The following FNBP1 variants were observed in gnomAD, a reference collection of about 807,000 sequenced individuals.
FNBP1 encodes the protein formin-binding protein 1.
In FNBP1, 26 loss-of-function variants were observed where a neutral mutation model predicts 90.6. The observed-to-expected ratio is 0.29, with a 90% CI of 0.21 to 0.40. The LOEUF (loss-of-function observed/expected upper bound fraction) is 0.40. Among genes scored for constraint, FNBP1 ranks in the 10% least tolerant of loss-of-function variants. The pLI, the probability that FNBP1 is intolerant of heterozygous loss-of-function variation, is 1.00. For synonymous variants in FNBP1, 260 were observed against 265.2 expected, an observed-to-expected ratio of 0.98 and a Z score of 0.19; for missense variants, 635 against 768.0, an observed-to-expected ratio of 0.83 and a Z score of 2.05.
intron 2 of FNBP1, among the ~76,000 whole-genome samples, chr9:129,991,064 G>C (rs1285993918): frequency 1.3e-5 from 2 of 151,084 alleles, no homozygotes; most frequent in African/African-American, 4.9e-5. Flanking sequence ...CTCCTGAGTA[G>C]GTAGGATTAC....
chr9:130,049,337 C>T, the FNBP1 span, among the ~76,000 whole-genome samples: 2 of 152,156 alleles, frequency 1.3e-5, no homozygotes, highest in African/African-American at 4.8e-5. Context: ...TGCAGTGAGC[C>T]TTGATCATGC....
intron 1 of FNBP1, among the ~76,000 whole-genome samples, chr9:130,034,178 G>C (rs548740202): frequency 1.3e-5 from 2 of 148,204 alleles, no homozygotes; most frequent in Non-Finnish European, 3.0e-5. Flanking sequence ...AAAATTAGCC[G>C]GGCAAACGCC....
chr9:129,920,878 G>C (rs539177086), intron 10 of FNBP1, among the ~76,000 whole-genome samples: 1 of 152,184 alleles, frequency 6.6e-6, no homozygotes. Flanking sequence ...CAGTTCATAT[G>C]AAACTTTCAG....
chr9:129,995,474 T>C (rs2053844796), intron 1 of FNBP1, among the ~76,000 whole-genome samples: 1 of 152,214 alleles, frequency 6.6e-6, no homozygotes, highest in Non-Finnish European at 1.5e-5. Context: ...CCAGGAACAG[T>C]GCCTGGAGCT....
intron 7 of FNBP1, 29 bp downstream of exon 7, chr9:129,929,538 A>G (rs1246895587): frequency 2.5e-6 from 4 of 1,609,620 alleles, no homozygotes; most frequent in Non-Finnish European, 3.4e-6. Context: ...AGCATAAAAC[A>G]TGAAATCTGA....
chr9:129,920,745 T>G (rs530819043), intron 10 of FNBP1, among the ~76,000 whole-genome samples: 1 of 152,188 alleles, frequency 6.6e-6, no homozygotes, highest in African/African-American at 2.4e-5. Flanking sequence ...AAAACTGGAA[T>G]AGACACATAA....
At chr9:130,053,717 C>CGGGA in the FNBP1 span, 1 of 579,072 alleles carries the variant, frequency 1.7e-6, no homozygotes, top group Non-Finnish European at 3.1e-6. Flanking sequence ...GGCTTCATCT[C>CGGGA]TAACTGAAAG....
In FNBP1 at chr9:129,978,531, G is replaced by A; in HGVS notation, c.279C>T (p.Asn93=). The A allele has an allele frequency of 1.9e-6, 3 of 1,613,622 alleles. No individual in the cohort carries two copies. The highest frequency in any genetic ancestry group is 2.2e-5 in the South Asian group (2 of 91,072). Residue 93 remains asparagine, a synonymous_variant, in exon 4 of 17, where the codon AAC becomes AAT. Coordinates refer to ENST00000446176, the MANE Select transcript of FNBP1 (RefSeq NM_015033.3). The part of the protein sequence containing the change: ...YAGQHEVISE[N]MASQIIVDLA... ...AGTCCACAATGATCTGTGATGCCATGTTCTCGGAGATAACTTCATGCTGCC... is the reference window on the plus strand; with the variant it reads ...AGTCCACAATGATCTGTGATGCCATATTCTCGGAGATAACTTCATGCTGCC...
chr9:130,009,383 T>C (rs1173890904), intron 1 of FNBP1, among the ~76,000 whole-genome samples: 5 of 152,162 alleles, frequency 3.3e-5, no homozygotes, highest in Admixed American at 2.0e-4. Flanking sequence ...TAAGAGGGGC[T>C]GGACGCAGTG....
chr9:130,025,661 C>A (rs1258347257), intron 1 of FNBP1, among the ~76,000 whole-genome samples: 1 of 152,222 alleles, frequency 6.6e-6, no homozygotes, highest in Non-Finnish European at 1.5e-5. Flanking sequence ...CAGTGGCTCA[C>A]GCCTATAATC....
intron 11 of FNBP1, among the ~76,000 whole-genome samples, chr9:129,915,734 C>T (rs62583608): frequency 0.059 from 8,977 of 152,164 alleles, 390 homozygotes; most frequent in Middle Eastern, 0.14. Flanking sequence ...AACACCAAGT[C>T]GTGAGTTAAA....
rs2034898045 is a variant in FNBP1 at position 129,888,975 on chromosome 9, C to T, written c.*1564G>A. 3.1e-5 allele frequency: 7 copies of T among 229,386 alleles called. No individual in the cohort carries two copies. In the Admixed American group the frequency reaches 4.0e-4, roughly 13 times the overall value. 14.2% of individuals were successfully genotyped at this position (229,386 alleles called of 1,614,324 possible). On this transcript the variant is annotated 3_prime_UTR_variant, in exon 17 of 17. Coordinates refer to ENST00000446176, the MANE Select transcript of FNBP1 (RefSeq NM_015033.3). ...AAGAATAAAGCTGCCCGACGTCATC[C>T]CCAGGCTTCCGTGGCGCTCTCGGTC...
At chr9:129,988,015 G>T (rs2052559635) in intron 2 of FNBP1, among the ~76,000 whole-genome samples, 3 of 151,884 alleles carry the variant, frequency 2.0e-5, no homozygotes, top group Non-Finnish European at 2.9e-5. Flanking sequence ...ACCATAAATG[G>T]CTCAAATGTA....
intron 1 of FNBP1, among the ~76,000 whole-genome samples, chr9:130,028,483 T>C (rs1158968674): frequency 6.6e-6 from 1 of 152,144 alleles, no homozygotes; most frequent in Non-Finnish European, 1.5e-5. Flanking sequence ...TACCAAAAAT[T>C]GAATGCCCAT....
intron 1 of FNBP1, among the ~76,000 whole-genome samples, chr9:130,036,354 CAATGT>C (rs1390438454): frequency 6.6e-6 from 1 of 152,014 alleles, no homozygotes; most frequent in Non-Finnish European, 1.5e-5. Flanking sequence ...CATGTCTCAC[CAATGT>C]AAAGCATGAG....
chr9:129,939,789 C>A (rs563145533), intron 6 of FNBP1, among the ~76,000 whole-genome samples: 1 of 152,126 alleles, frequency 6.6e-6, no homozygotes, highest in East Asian at 1.9e-4. Flanking sequence ...GTCAAAGTTA[C>A]GCTCATACAA....
At chr9:129,892,324 C>G (rs1285564580) in intron 16 of FNBP1, among the ~76,000 whole-genome samples, 3 of 150,402 alleles carry the variant, frequency 2.0e-5, no homozygotes, top group East Asian at 4.0e-4. Context: ...GGAAGTTACT[C>G]TAGTCTAAAT....
intron 6 of FNBP1, among the ~76,000 whole-genome samples, chr9:129,954,626 CA>C (rs1478671020): frequency 6.6e-6 from 1 of 151,892 alleles, no homozygotes; most frequent in Non-Finnish European, 1.5e-5. Context: ...TAATGATATT[CA>C]ATAATAAGTC....
chr9:129,888,631 G>A lies in FNBP1; in HGVS notation c.*1908C>T. ...GTCCCCCCCGGGGAAGAAGCAGTCAGAGAGGCTCACGCTCACCTACTTTAA... is the reference window on the plus strand; with the variant it reads ...GTCCCCCCCGGGGAAGAAGCAGTCAAAGAGGCTCACGCTCACCTACTTTAA... On this transcript the variant is annotated 3_prime_UTR_variant, in exon 17 of 17. Transcript: ENST00000446176. 1 of 233,102 alleles carries A rather than the reference G, an allele frequency of 4.3e-6. No homozygotes were observed. The highest frequency in any genetic ancestry group is 2.2e-5 in the African/African-American group (1 of 45,454). The allele number at this position is 233,102 out of a possible 1,614,324, so 14.4% of individuals were successfully genotyped here.
Sources: allele counts gnomAD v4.1 joint callset (sites outside exome capture counted in the v4.1 genomes callset), GRCh38; gene constraint gnomAD v4.1.1; transcripts MANE v1.5; gene names NCBI Gene and HGNC (gene_info 2026-07-23, HGNC 2026-07-21).